TMEM117: variants seen among roughly 807,000 people sequenced by gnomAD.
TMEM117 encodes the protein transmembrane protein 117.
TMEM117 carries 27 observed loss-of-function variants against 52.4 expected under a neutral mutation model. The observed-to-expected ratio is 0.51, with a 90% CI of 0.38 to 0.71. TMEM117 has a LOEUF of 0.71. Among genes scored for constraint, TMEM117 ranks in the 30% least tolerant of loss-of-function variants. The pLI is 0.00. For missense variants in TMEM117, 556 were observed against 630.5 expected (o/e 0.88, Z 1.26); for synonymous variants, 215 against 206.3 (o/e 1.04, Z -0.36).
At chr12:43,906,056 A>G (rs956317357) in intron 2 of TMEM117, among the ~76,000 whole-genome samples, 9 of 152,090 alleles carry the variant, frequency 5.9e-5, no homozygotes, top group African/African-American at 1.7e-4. Context: ...CCCAACTATT[A>G]TTTTCTCTAT....
chr12:44,099,357 A>G (rs1947824931), intron 3 of TMEM117, among the ~76,000 whole-genome samples: 1 of 152,090 alleles, frequency 6.6e-6, no homozygotes, highest in Non-Finnish European at 1.5e-5. Flanking sequence ...TTTGATTTTC[A>G]TGCCCTAAAT....
At chr12:43,994,409 AAG>A (rs1491268793) in intron 3 of TMEM117, among the ~76,000 whole-genome samples, 2 of 152,218 alleles carry the variant, frequency 1.3e-5, no homozygotes, top group African/African-American at 4.8e-5. Context: ...TATAATAAAA[AAG>A]AGTTTCCTAA....
At chr12:44,039,176 TCTAA>T (rs1488635256) in intron 3 of TMEM117, among the ~76,000 whole-genome samples, 2 of 152,184 alleles carry the variant, frequency 1.3e-5, no homozygotes, top group Non-Finnish European at 2.9e-5. Flanking sequence ...TAAGTTTTTG[TCTAA>T]CTGTTTTAAA....
rs1952115949 is a variant in TMEM117 at position 44,388,126 on chromosome 12, T to C, written c.999T>C (p.Tyr333=). Residue 333 remains tyrosine (Y), a synonymous_variant, in exon 8 of 8, where the codon TAT becomes TAC. Coordinates refer to ENST00000266534, the MANE Select transcript of TMEM117 (RefSeq NM_032256.3). ...IFYKPHEYGQ[Y]IGPGQKIYTV... ...ATAAACCTCATGAATATGGGCAATATATCGGCCCGGGGCAGAAGATATATA... is the reference window on the plus strand; with the variant it reads ...ATAAACCTCATGAATATGGGCAATACATCGGCCCGGGGCAGAAGATATATA... The C allele has an allele frequency of 1.2e-6, 2 of 1,613,064 alleles. No individual in the cohort carries two copies. The highest frequency in any genetic ancestry group is 2.7e-5 in the African/African-American group (2 of 74,862).
chr12:44,079,592 T>G (rs962104743), intron 3 of TMEM117, among the ~76,000 whole-genome samples: 1 of 152,126 alleles, frequency 6.6e-6, no homozygotes, highest in Admixed American at 6.6e-5. Context: ...TAAGTTACAT[T>G]TCAATATGTA....
chr12:44,028,230 T>A (rs1946575738), intron 3 of TMEM117, among the ~76,000 whole-genome samples: 1 of 152,004 alleles, frequency 6.6e-6, no homozygotes, highest in Admixed American at 6.5e-5. Flanking sequence ...TAGATTTTTT[T>A]TTAAAGGCAT....
At chr12:44,340,600 T>G (rs1006600048) in intron 6 of TMEM117, among the ~76,000 whole-genome samples, 41 of 152,118 alleles carry the variant, frequency 2.7e-4, no homozygotes, top group African/African-American at 8.4e-4. Flanking sequence ...GAGTCTCCCA[T>G]GCCAAACCAT....
intron 5 of TMEM117, among the ~76,000 whole-genome samples, chr12:44,214,916 G>A (rs564432535): frequency 2.0e-5 from 3 of 152,156 alleles, no homozygotes; most frequent in African/African-American, 7.2e-5. Context: ...AAGGGATTTA[G>A]CAAGTAAAAA....
chr12:43,945,262 T>G (rs1291011884), intron 3 of TMEM117, among the ~76,000 whole-genome samples: 1 of 152,238 alleles, frequency 6.6e-6, no homozygotes, highest in Non-Finnish European at 1.5e-5. Flanking sequence ...CTTTCTTTCA[T>G]TATATAATGA....
the TMEM117 span, chr12:43,796,999 G>A: frequency 1.2e-6 from 2 of 1,610,956 alleles, no homozygotes; most frequent in Middle Eastern, 4.4e-4. Flanking sequence ...TCCATTTGTA[G>A]TTGTCTTTCT....
chr12:43,864,776 A>G (rs967228268), intron 2 of TMEM117, among the ~76,000 whole-genome samples: 7 of 151,972 alleles, frequency 4.6e-5, no homozygotes, highest in African/African-American at 1.7e-4. Context: ...GAATAAAAGC[A>G]GGCTGCTGGA....
chr12:44,006,605 T>C (rs759722636), intron 3 of TMEM117, among the ~76,000 whole-genome samples: 24 of 152,176 alleles, frequency 1.6e-4, no homozygotes, highest in Non-Finnish European at 2.8e-4. Flanking sequence ...GAATCAATAA[T>C]GAAACTAAGT....
At chr12:44,061,947 G>A (rs1947145607) in intron 3 of TMEM117, among the ~76,000 whole-genome samples, 1 of 152,078 alleles carries the variant, frequency 6.6e-6, no homozygotes, top group African/African-American at 2.4e-5. Context: ...GAGAAGGTTG[G>A]GGAAAATGGA....
intron 3 of TMEM117, among the ~76,000 whole-genome samples, chr12:44,114,304 A>G (rs937218038): frequency 3.9e-5 from 6 of 152,108 alleles, no homozygotes; most frequent in African/African-American, 7.2e-5. Flanking sequence ...CTTTATATCC[A>G]TCTTGTGCCT....
intron 3 of TMEM117, among the ~76,000 whole-genome samples, chr12:43,944,616 C>A (rs1945099259): frequency 6.6e-6 from 1 of 151,800 alleles, no homozygotes; most frequent in Admixed American, 6.6e-5. Flanking sequence ...ATTATACTGA[C>A]AAGGGGGTAT....
Position 44,258,502 on chromosome 12 carries a change from G to GA in TMEM117, c.609-41070dup, listed in dbSNP as rs146078164. Among the ~76,000 whole-genome samples the GA allele has an allele frequency of 6.6e-5, 10 of 151,180 alleles. 1 individual carries two copies. Among genetic ancestry groups the GA allele is most frequent in the Admixed American group, 6.6e-4 (10 of 15,164 alleles). Reference sequence around the variant, plus strand: ...ATTTTTAACATTAAAGCATCACCAGGAAAAAAAAGATTAGAGTGTTTTGAC... The same window carrying GA: ...ATTTTTAACATTAAAGCATCACCAGGAAAAAAAAAGATTAGAGTGTTTTGAC... On this transcript the variant is annotated intron_variant, in intron 5 of 7. Transcript: ENST00000266534.
chr12:44,186,109 A>C (rs1462664512), intron 4 of TMEM117, among the ~76,000 whole-genome samples: 1 of 152,214 alleles, frequency 6.6e-6, no homozygotes, highest in Non-Finnish European at 1.5e-5. Flanking sequence ...ATGATCAGCA[A>C]ATGATTTGGC....
chr12:44,018,762 C>T (rs1592444981), intron 3 of TMEM117, among the ~76,000 whole-genome samples: 1 of 150,528 alleles, frequency 6.6e-6, no homozygotes, highest in African/African-American at 2.5e-5. Flanking sequence ...GCTCTGTCGC[C>T]AGTCTGGAGT....
At chr12:44,294,569 T>G (rs1173144052) in intron 5 of TMEM117, among the ~76,000 whole-genome samples, 5 of 152,330 alleles carry the variant, frequency 3.3e-5, no homozygotes, top group South Asian at 2.1e-4. Context: ...TTTTTTTTCT[T>G]TCTTTACTAA....
Sources: allele counts gnomAD v4.1 joint callset (sites outside exome capture counted in the v4.1 genomes callset), GRCh38; gene constraint gnomAD v4.1.1; transcripts MANE v1.5; gene names NCBI Gene and HGNC (gene_info 2026-07-23, HGNC 2026-07-21).